The following NALF1 variants were observed in gnomAD, a reference collection of about 807,000 sequenced individuals.
NALF1 encodes family with sequence similarity 155 member A.
In NALF1, 3 loss-of-function variants were observed where a neutral mutation model predicts 48.4. The observed-to-expected ratio is 0.06, with a 90% CI of 0.03 to 0.16. The LOEUF is 0.16. NALF1 is among the 10% of genes least tolerant of loss of function. NALF1 has a pLI of 1.00. For synonymous variants in NALF1, 262 were observed against 245.7 expected (o/e 1.07, Z -0.62); for missense variants, 526 against 571.5 (o/e 0.92, Z 0.81).
chr13:107,335,578 G>T (rs1882540679), intron 1 of NALF1, among the ~76,000 whole-genome samples: 1 of 152,178 alleles, frequency 6.6e-6, no homozygotes, highest in African/African-American at 2.4e-5. Flanking sequence ...AGACATGTTT[G>T]TGACTTTTTC....
chr13:107,733,148 T>TA (rs66878093), intron 1 of NALF1, among the ~76,000 whole-genome samples: 119,121 of 151,764 alleles, frequency 0.78, 47,238 homozygotes, highest in Non-Finnish European at 0.85. Flanking sequence ...TCTAGTAGGA[T>TA]AAAAAAAAGT....
intron 1 of NALF1, among the ~76,000 whole-genome samples, chr13:107,474,980 C>T (rs1390793985): frequency 1.3e-5 from 2 of 152,094 alleles, no homozygotes; most frequent in Non-Finnish European, 2.9e-5. Flanking sequence ...TCCTGAAACA[C>T]AAATCAGAGC....
At chr13:107,538,710 A>G (rs1305033604) in intron 1 of NALF1, among the ~76,000 whole-genome samples, 1 of 152,144 alleles carries the variant, frequency 6.6e-6, no homozygotes, top group African/African-American at 2.4e-5. Context: ...TCAAACACTG[A>G]TTCTTACCTG....
intron 1 of NALF1, among the ~76,000 whole-genome samples, chr13:107,429,750 CAT>C (rs72523043): frequency 0.23 from 34,227 of 151,942 alleles, 3,979 homozygotes; most frequent in Admixed American, 0.27. Context: ...GTGGAAGAAA[CAT>C]AGAACTAAAG....
intron 1 of NALF1, among the ~76,000 whole-genome samples, chr13:107,399,390 G>A (rs551358921): frequency 1.3e-5 from 2 of 151,940 alleles, no homozygotes; most frequent in Admixed American, 6.6e-5. Context: ...CATTCATAAC[G>A]CATCTAACCT....
chr13:107,168,265 G>T lies in NALF1; in HGVS notation c.*2232C>A, dbSNP rs897807377. The T allele has an allele frequency of 2.6e-5, 4 of 152,094 alleles. No homozygotes were observed. Among genetic ancestry groups the T allele is most frequent in the Non-Finnish European group, 4.4e-5 (3 of 68,074 alleles). The allele number at this position is 152,094 out of a possible 1,614,324, so 9.4% of individuals were successfully genotyped here. On this transcript the variant is annotated 3_prime_UTR_variant, in exon 3 of 3. Transcript: ENST00000375915. ...TGCAGCCTCAATTCCTCTGCTTCTC[G>T]TCCCCCCAGCGCCATTGAAATCTGT...
intron 1 of NALF1, among the ~76,000 whole-genome samples, chr13:107,415,172 A>G (rs1043016797): frequency 6.6e-6 from 1 of 152,236 alleles, no homozygotes; most frequent in African/African-American, 2.4e-5. Context: ...TTTTAAATAC[A>G]TATCGATGAA....
intron 1 of NALF1, among the ~76,000 whole-genome samples, chr13:107,651,285 T>C (rs1880445172): frequency 6.6e-6 from 1 of 152,174 alleles, no homozygotes; most frequent in South Asian, 2.1e-4. Flanking sequence ...GGAGCAATAG[T>C]CAGGAAGCAA....
At chr13:107,562,397 G>C (rs1877673813) in intron 1 of NALF1, among the ~76,000 whole-genome samples, 1 of 152,188 alleles carries the variant, frequency 6.6e-6, no homozygotes, top group African/African-American at 2.4e-5. Flanking sequence ...GACTGTTCTG[G>C]AAGATAGGAG....
chr13:107,378,957 C>T (rs558929938), intron 1 of NALF1, among the ~76,000 whole-genome samples: 3 of 152,210 alleles, frequency 2.0e-5, no homozygotes, highest in African/African-American at 7.2e-5. Context: ...TTCAATAAAA[C>T]ATATAATTAA....
At position 107,474,428 on chromosome 13, in the gene NALF1, C is replaced by T. The variant is rs143871518; in HGVS notation, c.916-263673G>A. 4.6e-5 allele frequency among the ~76,000 whole-genome samples: 7 copies of T among 152,278 alleles called. No homozygotes were observed. The East Asian group carries it at 1.4e-3, about 29-fold the overall frequency. On this transcript the variant is annotated intron_variant, in intron 1 of 2. Transcript: ENST00000375915. ...GCTGGATTTCTATGTCATTTGTTCA[C>T]AAATTGCTGTCAAGTTCTGATCTTT...
At chr13:107,597,619 A>G (rs1878792230) in intron 1 of NALF1, among the ~76,000 whole-genome samples, 1 of 152,198 alleles carries the variant, frequency 6.6e-6, no homozygotes, top group Admixed American at 6.5e-5. Context: ...TCCTTCTAGC[A>G]AAATAATATA....
intron 1 of NALF1, among the ~76,000 whole-genome samples, chr13:107,687,654 G>A (rs927339141): frequency 2.6e-5 from 4 of 152,016 alleles, no homozygotes; most frequent in African/African-American, 7.3e-5. Flanking sequence ...TTAGCAAAAC[G>A]AGTTGCCTAG....
chr13:107,673,364 C>T (rs1881036312), intron 1 of NALF1, among the ~76,000 whole-genome samples: 1 of 152,114 alleles, frequency 6.6e-6, no homozygotes, highest in South Asian at 2.1e-4. Flanking sequence ...CCCAGGGAGG[C>T]AATGCAGTTG....
intron 1 of NALF1, among the ~76,000 whole-genome samples, chr13:107,435,755 A>G (rs1356379316): frequency 6.6e-6 from 1 of 151,712 alleles, no homozygotes; most frequent in East Asian, 2.0e-4. Flanking sequence ...TTTCATAACA[A>G]AAGAGTGTGA....
chr13:107,462,603 A>C (rs971579933), intron 1 of NALF1, among the ~76,000 whole-genome samples: 2 of 152,212 alleles, frequency 1.3e-5, no homozygotes, highest in African/African-American at 4.8e-5. Context: ...TTTCATGAGG[A>C]CTGGCCCCTG....
intron 1 of NALF1, among the ~76,000 whole-genome samples, chr13:107,710,754 T>TAC (rs1159827060): frequency 7.9e-5 from 11 of 138,450 alleles, no homozygotes; most frequent in African/African-American, 2.4e-4. Context: ...ATCATATATA[T>TAC]ACATATATGT....
chr13:107,828,691 C>G (rs115486742), intron 1 of NALF1, among the ~76,000 whole-genome samples: 1,782 of 151,234 alleles, frequency 0.012, 33 homozygotes, highest in African/African-American at 0.041. Flanking sequence ...TAACTATATT[C>G]CAATGCAGTA....
chr13:107,746,949 A>T (rs1280114424), intron 1 of NALF1, among the ~76,000 whole-genome samples: 1 of 152,176 alleles, frequency 6.6e-6, no homozygotes, highest in Non-Finnish European at 1.5e-5. Context: ...CTCTTAGAAG[A>T]AGACACAAGG....
Sources: gnomAD v4.1 joint callset for allele counts (sites outside exome capture counted in the v4.1 genomes callset) on GRCh38, gnomAD v4.1.1 for gene constraint, MANE v1.5 for transcripts, NCBI Gene and HGNC (gene_info 2026-07-23, HGNC 2026-07-21) for gene names.